LAPTM4B: variants seen among roughly 807,000 people sequenced by gnomAD.
LAPTM4B encodes the protein lysosomal-associated transmembrane protein 4B.
In LAPTM4B, 26 loss-of-function variants were observed where a neutral mutation model predicts 28.5. That is an observed-to-expected ratio of 0.91 (90% CI 0.67 to 1.27). LAPTM4B has a LOEUF of 1.27. Ranked by LOEUF, LAPTM4B falls within the 50% of genes most tolerant of loss-of-function variation. The probability of loss-of-function intolerance (pLI) is 0.00; values close to 1 mark genes in which losing one functional copy is unlikely to be tolerated. For synonymous variants in LAPTM4B, 109 were observed against 106.4 expected (o/e 1.02, Z -0.15); for missense variants, 288 against 285.8 (o/e 1.01, Z -0.06).
intron 1 of LAPTM4B, among the ~76,000 whole-genome samples, chr8:97,794,692 T>C (rs998463028): frequency 2.0e-5 from 3 of 152,222 alleles, no homozygotes; most frequent in Non-Finnish European, 4.4e-5. Context: ...TACCTGCCAT[T>C]AATAGCTTTT....
In LAPTM4B at chr8:97,848,583, G is replaced by T. The variant is rs137879266; in HGVS notation, c.604-2814G>T. Among the ~76,000 whole-genome samples the T allele has an allele frequency of 4.7e-4, 71 of 152,264 alleles. No homozygotes were observed. The East Asian group carries it at 0.013, about 27-fold the overall frequency. On this transcript the variant is annotated intron_variant, in intron 6 of 6. Coordinates refer to ENST00000521545, the MANE Select transcript of LAPTM4B (RefSeq NM_018407.6). ...GCCTGTAATCCCAACACTTTGGGAG[G>T]CTGAAGTGGGAGGATCACTTGAGGC... is the stretch of plus-strand genomic sequence containing the variant.
chr8:97,794,117 T>C (rs964254430), intron 1 of LAPTM4B, among the ~76,000 whole-genome samples: 4 of 152,092 alleles, frequency 2.6e-5, no homozygotes, highest in African/African-American at 9.7e-5. Flanking sequence ...GTAGCTGGGA[T>C]TACCAGCACC....
intron 6 of LAPTM4B, among the ~76,000 whole-genome samples, chr8:97,828,714 G>A (rs775335326): frequency 3.3e-5 from 5 of 152,196 alleles, no homozygotes; most frequent in African/African-American, 4.8e-5. Flanking sequence ...CTAAGGAATC[G>A]ACTTGGGATT....
rs201396848 is a variant in LAPTM4B at position 97,785,499 on chromosome 8, GGAA to G, written c.99+9396_99+9398del. Among the ~76,000 whole-genome samples the G allele has an allele frequency of 9.4e-3, 1,429 of 152,300 alleles. 69 individuals carry two copies. The highest frequency in any genetic ancestry group is 0.081 in the Admixed American group (1,243 of 15,276). On this transcript the variant is annotated intron_variant, in intron 1 of 6. Transcript: ENST00000521545. ...AAATATATTTAACTTCGACCTAAAA[GGAA>G]GAAGCTGAGGCAAAATTAATGTAAG...
chr8:97,824,305 AACGT>A (rs760555477), intron 5 of LAPTM4B, among the ~76,000 whole-genome samples: 1 of 152,164 alleles, frequency 6.6e-6, no homozygotes, highest in Non-Finnish European at 1.5e-5. Context: ...TCTCATAAGC[AACGT>A]ATTTCCTGGA....
intron 2 of LAPTM4B, among the ~76,000 whole-genome samples, chr8:97,809,133 C>A (rs1215156816): frequency 6.6e-6 from 1 of 152,082 alleles, no homozygotes; most frequent in Non-Finnish European, 1.5e-5. Flanking sequence ...CTAAATTAAG[C>A]CTATCATGTC....
At chr8:97,848,785 T>C (rs190843169) in intron 6 of LAPTM4B, among the ~76,000 whole-genome samples, 1 of 152,220 alleles carries the variant, frequency 6.6e-6, no homozygotes, top group African/African-American at 2.4e-5. Context: ...AAAATTAATA[T>C]TTCTGGTGCG....
intron 5 of LAPTM4B, among the ~76,000 whole-genome samples, chr8:97,824,613 G>A (rs942981326): frequency 2.0e-5 from 3 of 152,034 alleles, no homozygotes; most frequent in Admixed American, 6.6e-5. Context: ...TAAAAAAATC[G>A]ACTTGTGTAA....
At chr8:97,809,986 C>T (rs1475801376) in intron 2 of LAPTM4B, among the ~76,000 whole-genome samples, 4 of 152,116 alleles carry the variant, frequency 2.6e-5, no homozygotes, top group Non-Finnish European at 4.4e-5. Flanking sequence ...AGTGCAGTGT[C>T]GCACACAATC....
At chr8:97,797,191 A>G (rs1290857532) in intron 1 of LAPTM4B, among the ~76,000 whole-genome samples, 3 of 151,714 alleles carry the variant, frequency 2.0e-5, no homozygotes, top group Non-Finnish European at 2.9e-5. Flanking sequence ...CTGGAGTGCA[A>G]CGGTGCGACC....
chr8:97,782,201 G>A lies in LAPTM4B; in HGVS notation c.99+6093G>A, dbSNP rs533102057. 3.4e-5 allele frequency among the ~76,000 whole-genome samples: 5 copies of A among 147,238 alleles called. No homozygotes were observed. The East Asian group carries it at 6.2e-4, about 18-fold the overall frequency. ...TCTCCATGTTGGTCAGGCTGGTCTCGAACTCCCGACCTCTGGTGATCTGCT... is the reference window on the plus strand; with the variant it reads ...TCTCCATGTTGGTCAGGCTGGTCTCAAACTCCCGACCTCTGGTGATCTGCT... On this transcript the variant is annotated intron_variant, in intron 1 of 6. Transcript: ENST00000521545.
intron 6 of LAPTM4B, among the ~76,000 whole-genome samples, chr8:97,826,548 G>A (rs1276690266): frequency 6.8e-5 from 4 of 58,444 alleles, no homozygotes; most frequent in East Asian, 1.3e-3. Flanking sequence ...TTTTTTGTTC[G>A]CCCAGGCTGG....
intron 1 of LAPTM4B, 56 bp downstream of exon 1, chr8:97,776,164 G>A: frequency 1.3e-6 from 2 of 1,491,178 alleles, no homozygotes; most frequent in Non-Finnish European, 1.8e-6. Flanking sequence ...CCCTAGCTGG[G>A]CTTCTGGCCC....
intron 6 of LAPTM4B, among the ~76,000 whole-genome samples, chr8:97,849,629 C>T (rs979187885): frequency 6.6e-6 from 1 of 152,244 alleles, no homozygotes; most frequent in African/African-American, 2.4e-5. Context: ...GACTCTGGCG[C>T]ATTGCCTTTG....
In LAPTM4B at chr8:97,838,943, A is replaced by G. The variant is rs73274226; in HGVS notation, c.604-12454A>G. ...GCTTATCTATATAGTTGTGCTACAC[A>G]GTCCTGCTTCCCATACCCCAGTCCC... is the stretch of plus-strand genomic sequence containing the variant. On this transcript the variant is annotated intron_variant, in intron 6 of 6. Coordinates refer to ENST00000521545, the MANE Select transcript of LAPTM4B (RefSeq NM_018407.6). Among the ~76,000 whole-genome samples the G allele has an allele frequency of 3.6e-3, 547 of 152,320 alleles. 4 individuals are homozygous for G. The highest frequency in any genetic ancestry group is 0.015 in the South Asian group (73 of 4,820).
chr8:97,786,510 T>C (rs955237720), intron 1 of LAPTM4B, among the ~76,000 whole-genome samples: 2 of 151,622 alleles, frequency 1.3e-5, no homozygotes, highest in Non-Finnish European at 2.9e-5. Flanking sequence ...GAGACCAGCC[T>C]GACCAACATA....
At chr8:97,789,752 C>T (rs1324054579) in intron 1 of LAPTM4B, among the ~76,000 whole-genome samples, 2 of 151,818 alleles carry the variant, frequency 1.3e-5, no homozygotes, top group East Asian at 1.9e-4. Flanking sequence ...AACTCCTGAC[C>T]TCAGGTGATC....
intron 2 of LAPTM4B, among the ~76,000 whole-genome samples, chr8:97,805,958 C>T (rs1461644422): frequency 6.6e-6 from 1 of 152,160 alleles, no homozygotes; most frequent in East Asian, 1.9e-4. Flanking sequence ...AGGCTCCCAG[C>T]TTGAAGATCA....
chr8:97,807,358 A>G (rs1026249037), intron 2 of LAPTM4B, among the ~76,000 whole-genome samples: 1 of 152,030 alleles, frequency 6.6e-6, no homozygotes, highest in Non-Finnish European at 1.5e-5. Context: ...ATCACTTGAG[A>G]TCAGGAGTTC....
Sources: gnomAD v4.1 joint callset for allele counts (sites outside exome capture counted in the v4.1 genomes callset) on GRCh38, gnomAD v4.1.1 for gene constraint, MANE v1.5 for transcripts, NCBI Gene and HGNC (gene_info 2026-07-23, HGNC 2026-07-21) for gene names.